EPB41: variants seen among roughly 807,000 people sequenced by gnomAD.
EPB41 encodes the protein erythrocyte membrane protein band 4.1.
In EPB41, 65 loss-of-function variants were observed where a neutral mutation model predicts 108.0. That is an observed-to-expected ratio of 0.60 (90% CI 0.49 to 0.74). EPB41 has a LOEUF of 0.74. Ranked by LOEUF, EPB41 falls within the 30% of genes least tolerant of loss-of-function variation. EPB41 has a pLI of 0.00. For synonymous variants in EPB41, 336 were observed against 358.9 expected (o/e 0.94, Z 0.72); for missense variants, 875 against 1,037.0 (o/e 0.84, Z 2.15).
At chr1:29,112,198 A>G (rs954542772) in intron 18 of EPB41, among the ~76,000 whole-genome samples, 170 bp from the exon 19 acceptor site, 1 of 152,072 alleles carries the variant, frequency 6.6e-6, no homozygotes, top group Admixed American at 6.6e-5. Context: ...ACGAGGTCTC[A>G]TTATGTTGCC....
intron 12 of EPB41, 167 bp downstream of exon 12, chr1:29,053,479 C>A: frequency 2.5e-6 from 2 of 811,110 alleles, no homozygotes; most frequent in Non-Finnish European, 4.2e-6. Context: ...AAAATATTTT[C>A]GTAGAGTTAT....
At chr1:28,923,671 G>T (rs187051908) in intron 1 of EPB41, among the ~76,000 whole-genome samples, 1 of 152,146 alleles carries the variant, frequency 6.6e-6, no homozygotes, top group African/African-American at 2.4e-5. Flanking sequence ...ATGGACACTG[G>T]TTAACAAGAT....
chr1:29,111,539 G>A (rs998513789), intron 18 of EPB41, among the ~76,000 whole-genome samples: 1 of 151,974 alleles, frequency 6.6e-6, no homozygotes, highest in Non-Finnish European at 1.5e-5. Context: ...TGTAGTCCCA[G>A]CTACTTGGGA....
chr1:29,057,373 C>CA (rs72047998), intron 12 of EPB41, among the ~76,000 whole-genome samples: 9,611 of 65,034 alleles, frequency 0.15, 1,254 homozygotes, highest in East Asian at 0.33. Context: ...GACTCTGTCT[C>CA]AAAAAAAAAA....
rs567632198 is a variant in EPB41 at position 28,956,189 on chromosome 1, C to T, written c.-7-31242C>T. On this transcript the variant is annotated intron_variant, in intron 1 of 20. Coordinates refer to ENST00000343067, the MANE Select transcript of EPB41 (RefSeq NM_001376013.1). ...TTGCATGTGTAAAATATTCCTAATT[C>T]GCTAGGAACACACATGGCTGTGTGT... 5.3e-5 allele frequency among the ~76,000 whole-genome samples: 8 copies of T among 152,286 alleles called. No homozygotes were observed. In the East Asian group the frequency reaches 1.2e-3, roughly 22 times the overall value.
At chr1:28,980,382 C>T (rs1420536583) in intron 1 of EPB41, among the ~76,000 whole-genome samples, 1 of 151,450 alleles carries the variant, frequency 6.6e-6, no homozygotes, top group South Asian at 2.1e-4. Flanking sequence ...TTAAAAAGCA[C>T]ATTATGATGT....
chr1:29,075,744 A>G (rs1311414631), intron 16 of EPB41, among the ~76,000 whole-genome samples: 1 of 152,214 alleles, frequency 6.6e-6, no homozygotes, highest in Non-Finnish European at 1.5e-5. Context: ...AGGGGATAAC[A>G]TGGCCACCAT....
rs1020199478 is a variant in EPB41, at chr1:29,010,584, T to C, written c.787-1281T>C. Among the ~76,000 whole-genome samples, 4 of 152,296 alleles carry C rather than the reference T, an allele frequency of 2.6e-5. No homozygotes were observed. The East Asian group carries it at 7.7e-4, about 29-fold the overall frequency. On this transcript the variant is annotated intron_variant, in intron 4 of 20. Coordinates refer to ENST00000343067, the MANE Select transcript of EPB41 (RefSeq NM_001376013.1). ...TTAGAAATTTCTGTCTTTAAACATT[T>C]CTCAAAGGGACCTATGAAAGATGTT...
intron 15 of EPB41, among the ~76,000 whole-genome samples, chr1:29,064,713 T>C (rs1277116863): frequency 1.3e-5 from 2 of 152,202 alleles, no homozygotes; most frequent in South Asian, 4.1e-4. Context: ...GAATCATAAA[T>C]TAAGGCGTGA....
In EPB41 at chr1:29,011,879, C is replaced by T. The variant is rs1460770726; in HGVS notation, c.801C>T (p.Ser267=). Residue 267 remains serine, a synonymous_variant, in exon 5 of 21, where the codon TCC becomes TCT. Coordinates refer to ENST00000343067, the MANE Select transcript of EPB41 (RefSeq NM_001376013.1). ...CCTTTTTACAGACATGGCTGGATTC[C>T]GCCAAAGAAATAAAAAAGCAGGTTC... ...DNATSKTWLD[S]AKEIKKQVRG... 9.9e-6 allele frequency: 16 copies of T among 1,613,910 alleles called. No individual in the cohort carries two copies. The highest frequency in any genetic ancestry group is 6.7e-5 in the East Asian group (3 of 44,870).
chr1:29,028,152 T>G (rs1014284739), intron 7 of EPB41, among the ~76,000 whole-genome samples: 2 of 152,206 alleles, frequency 1.3e-5, no homozygotes, highest in East Asian at 1.9e-4. Context: ...TAAAGCATGC[T>G]TATTTATAGA....
At chr1:29,069,142 C>T in intron 16 of EPB41, 1 of 1,230,800 alleles carries the variant, frequency 8.1e-7, no homozygotes, top group African/African-American at 1.6e-5. Context: ...CTTTCTTTTC[C>T]TTTTTTTCTT....
At chr1:28,982,909 C>CAT (rs1156590332) in intron 1 of EPB41, among the ~76,000 whole-genome samples, 5 of 152,054 alleles carry the variant, frequency 3.3e-5, no homozygotes, top group Non-Finnish European at 5.9e-5. Context: ...AATGTAAATA[C>CAT]ATATCTTTAA....
At chr1:28,915,688 A>G (rs1329534706) in intron 1 of EPB41, among the ~76,000 whole-genome samples, 1 of 127,050 alleles carries the variant, frequency 7.9e-6, no homozygotes, top group African/African-American at 2.9e-5. Context: ...GTAGTTGTTC[A>G]TTAGGAGATA....
intron 2 of EPB41, among the ~76,000 whole-genome samples, chr1:28,991,658 T>C (rs1031678496): frequency 6.7e-6 from 1 of 148,628 alleles, no homozygotes; most frequent in Non-Finnish European, 1.5e-5. Context: ...GCCATGATTA[T>C]GTCACTGCAC....
At chr1:28,890,449 A>T (rs2089997278) in intron 1 of EPB41, among the ~76,000 whole-genome samples, 4 of 152,086 alleles carry the variant, frequency 2.6e-5, no homozygotes, top group Non-Finnish European at 4.4e-5. Context: ...TAGGGGAGAT[A>T]AGTCTAAAGT....
intron 1 of EPB41, among the ~76,000 whole-genome samples, chr1:28,983,204 T>C (rs1333769466): frequency 1.3e-5 from 2 of 152,260 alleles, no homozygotes; most frequent in Admixed American, 6.5e-5. Flanking sequence ...TTTTTAAAAA[T>C]GTTAATGGTT....
intron 1 of EPB41, among the ~76,000 whole-genome samples, chr1:28,984,348 C>G (rs1380076667): frequency 6.6e-6 from 1 of 152,188 alleles, no homozygotes; most frequent in South Asian, 2.1e-4. Flanking sequence ...TAGAATTTCT[C>G]TGCCCCTTTG....
intron 1 of EPB41, among the ~76,000 whole-genome samples, chr1:28,891,253 G>C (rs1277586168): frequency 6.6e-6 from 1 of 152,224 alleles, no homozygotes. Flanking sequence ...TAGGATAAAG[G>C]GTTAGAGGAG....
Sources: gnomAD v4.1 joint callset for allele counts (sites outside exome capture counted in the v4.1 genomes callset) on GRCh38, gnomAD v4.1.1 for gene constraint, MANE v1.5 for transcripts, NCBI Gene and HGNC (gene_info 2026-07-23, HGNC 2026-07-21) for gene names.